CNTNAP5: variants seen among roughly 807,000 people sequenced by gnomAD.
CNTNAP5 encodes the protein contactin associated protein family member 5.
In CNTNAP5, 72 loss-of-function variants were observed where a neutral mutation model predicts 150.2. The observed-to-expected ratio is 0.48, with a 90% CI of 0.40 to 0.58. The LOEUF is 0.58. CNTNAP5 is among the 20% of genes least tolerant of loss of function. CNTNAP5 has a pLI of 0.00. For missense variants in CNTNAP5, 1,636 were observed against 1,626.2 expected (o/e 1.01, Z -0.10); for synonymous variants, 672 against 619.8 (o/e 1.08, Z -1.25).
At position 124,112,627 on chromosome 2, in the gene CNTNAP5, G is replaced by T. The variant is rs531742867; in HGVS notation, c.82+86895G>T. On this transcript the variant is annotated intron_variant, in intron 1 of 23. Transcript: ENST00000682447. ...ACAAAAATATTTAGCATGATGATTT[G>T]TTGCAAAGTGATTGCTTGTGTAGGC... Among the ~76,000 whole-genome samples, 21 of 152,148 alleles carry T rather than the reference G, an allele frequency of 1.4e-4. 1 individual carries two copies. The South Asian group carries it at 4.4e-3, about 32-fold the overall frequency.
intron 13 of CNTNAP5, among the ~76,000 whole-genome samples, chr2:124,744,377 T>C (rs1680563079): frequency 6.6e-6 from 1 of 152,186 alleles, no homozygotes; most frequent in Non-Finnish European, 1.5e-5. Context: ...CCTCTTTTTC[T>C]TTATAAATTA....
At chr2:124,714,871 T>C (rs1679912021) in intron 13 of CNTNAP5, among the ~76,000 whole-genome samples, 1 of 152,126 alleles carries the variant, frequency 6.6e-6, no homozygotes, top group African/African-American at 2.4e-5. Flanking sequence ...CTCTGGTCTA[T>C]CAAGACAGAT....
intron 1 of CNTNAP5, among the ~76,000 whole-genome samples, chr2:124,045,144 A>G (rs1476753482): frequency 1.3e-5 from 2 of 152,238 alleles, no homozygotes; most frequent in African/African-American, 2.4e-5. Flanking sequence ...CTGTTTTCCC[A>G]CTTCAAGATG....
At chr2:124,522,612 C>T (rs1028381296) in intron 8 of CNTNAP5, among the ~76,000 whole-genome samples, 1 of 152,182 alleles carries the variant, frequency 6.6e-6, no homozygotes, top group Non-Finnish European at 1.5e-5. Flanking sequence ...TGCCTGGGGC[C>T]CATGCCCAGA....
chr2:124,451,710 C>A (rs750299063), intron 6 of CNTNAP5, among the ~76,000 whole-genome samples: 2 of 152,036 alleles, frequency 1.3e-5, no homozygotes, highest in Non-Finnish European at 2.9e-5. Flanking sequence ...CCAAATACTG[C>A]GAGTGCCCAA....
intron 8 of CNTNAP5, among the ~76,000 whole-genome samples, chr2:124,509,869 G>T (rs955479212): frequency 6.6e-6 from 1 of 152,098 alleles, no homozygotes; most frequent in Admixed American, 6.6e-5. Context: ...AAGACCTTGG[G>T]ATTCACACTA....
At chr2:124,496,738 A>G (rs2104855503) in intron 7 of CNTNAP5, among the ~76,000 whole-genome samples, 1 of 152,266 alleles carries the variant, frequency 6.6e-6, no homozygotes, top group African/African-American at 2.4e-5. Context: ...ATTTCCTCTC[A>G]GGAATAATGA....
intron 8 of CNTNAP5, among the ~76,000 whole-genome samples, chr2:124,516,376 TAGAA>T (rs1277938799): frequency 6.6e-6 from 1 of 152,184 alleles, no homozygotes; most frequent in African/African-American, 2.4e-5. Context: ...TGAGAGGACA[TAGAA>T]AGGCCATTGA....
intron 1 of CNTNAP5, among the ~76,000 whole-genome samples, chr2:124,195,253 C>T (rs1685556133): frequency 6.6e-6 from 1 of 152,154 alleles, no homozygotes. Context: ...CGTGACCCCA[C>T]AGTTCCTGCA....
At chr2:124,734,513 C>T (rs1199910966) in intron 13 of CNTNAP5, among the ~76,000 whole-genome samples, 1 of 151,898 alleles carries the variant, frequency 6.6e-6, no homozygotes, top group Non-Finnish European at 1.5e-5. Context: ...GAAAGAGTAA[C>T]TGTGGGAGAT....
At chr2:124,906,509 T>A (rs1558821500) in intron 22 of CNTNAP5, among the ~76,000 whole-genome samples, 1 of 152,098 alleles carries the variant, frequency 6.6e-6, no homozygotes, top group African/African-American at 2.4e-5. Context: ...CCCCCAGCAG[T>A]GGTCTACGAT....
At chr2:124,521,906 C>T (rs1218259448) in intron 8 of CNTNAP5, among the ~76,000 whole-genome samples, 1 of 152,120 alleles carries the variant, frequency 6.6e-6, no homozygotes, top group Non-Finnish European at 1.5e-5. Flanking sequence ...GGACACAAAC[C>T]CTGGTCTTGT....
chr2:124,551,200 T>G (rs1695620422), intron 10 of CNTNAP5, among the ~76,000 whole-genome samples: 1 of 152,142 alleles, frequency 6.6e-6, no homozygotes, highest in African/African-American at 2.4e-5. Context: ...TCGATCATCT[T>G]TGCTTGTCCA....
intron 13 of CNTNAP5, among the ~76,000 whole-genome samples, chr2:124,667,048 G>A (rs1678716628): frequency 6.6e-6 from 1 of 152,154 alleles, no homozygotes; most frequent in South Asian, 2.1e-4. Context: ...CAATGATTGG[G>A]CAGTTAGAGA....
In CNTNAP5 at chr2:124,540,677, A is replaced by ATCAT. The variant is rs5834075; in HGVS notation, c.1649+13244_1649+13247dup. The stretch of plus-strand genomic sequence containing the variant: ...AATCTGCTTTTTTTTAGTATTATGA[A>ATCAT]TCATTCATTCATTCATTCATTCATT... On this transcript the variant is annotated intron_variant, in intron 10 of 23. Coordinates refer to ENST00000682447, the MANE Select transcript of CNTNAP5 (RefSeq NM_001367498.1). Among the ~76,000 whole-genome samples, 906 of 150,968 alleles carry ATCAT rather than the reference A, an allele frequency of 6.0e-3. 2 individuals are homozygous for ATCAT. Among genetic ancestry groups the ATCAT allele is most frequent in the Middle Eastern group, 0.027 (8 of 294 alleles).
intron 21 of CNTNAP5, among the ~76,000 whole-genome samples, chr2:124,877,981 A>T (rs1677893547): frequency 6.6e-6 from 1 of 152,128 alleles, no homozygotes; most frequent in South Asian, 2.1e-4. Flanking sequence ...ATAGATGAGA[A>T]AATTGAGTCA....
intron 1 of CNTNAP5, among the ~76,000 whole-genome samples, chr2:124,033,006 G>A (rs1681106917): frequency 6.6e-6 from 1 of 152,134 alleles, no homozygotes; most frequent in Non-Finnish European, 1.5e-5. Flanking sequence ...GATAAACCAG[G>A]GATCATTACT....
At chr2:124,724,493 A>G (rs1318826167) in intron 13 of CNTNAP5, among the ~76,000 whole-genome samples, 2 of 152,110 alleles carry the variant, frequency 1.3e-5, no homozygotes, top group East Asian at 3.9e-4. Flanking sequence ...AGATAAATAT[A>G]CATGTGATCA....
At chr2:124,270,353 G>C (rs926154779) in intron 3 of CNTNAP5, among the ~76,000 whole-genome samples, 2 of 152,052 alleles carry the variant, frequency 1.3e-5, no homozygotes, top group Non-Finnish European at 2.9e-5. Flanking sequence ...ATAATCAGAT[G>C]TCAAATCTCT....
Sources: allele counts gnomAD v4.1 joint callset (sites outside exome capture counted in the v4.1 genomes callset), GRCh38; gene constraint gnomAD v4.1.1; transcripts MANE v1.5; gene names NCBI Gene and HGNC (gene_info 2026-07-23, HGNC 2026-07-21).